The following PRRT1B variants were observed in gnomAD, a reference collection of about 807,000 sequenced individuals.
The protein encoded by PRRT1B is proline rich transmembrane protein 1B, also known as dispanin subfamily D member 2.
chr9:131,550,400 C>T (rs1951002738), intron 1 of PRRT1B, among the ~76,000 whole-genome samples: 1 of 152,192 alleles, frequency 6.6e-6, no homozygotes, highest in Non-Finnish European at 1.5e-5. Context: ...TGACACCCAT[C>T]AGGCTCAGCA....
In PRRT1B at chr9:131,545,855, G is replaced by A. The variant is rs1487924201; in HGVS notation, c.25+215G>A. 2.6e-5 allele frequency among the ~76,000 whole-genome samples: 4 copies of A among 152,162 alleles called. No individual in the cohort carries two copies. The East Asian group carries it at 7.7e-4, about 29-fold the overall frequency. ...GGTGCTGGTGGGGCGGGTGCTGGAG[G>A]GGGTTTAGCGGGTAGATAACTGCGG... On this transcript the variant is annotated intron_variant, in intron 1 of 3. Coordinates refer to ENST00000636672, the Ensembl canonical transcript of PRRT1B.
chr9:131,554,929 C>G (rs1241701235), exon 2 of PRRT1B: 1 of 387,840 alleles, frequency 2.6e-6, no homozygotes, highest in African/African-American at 2.1e-5. Context: ...CAGCCCGCGC[C>G]GTCTGCGCTC....
chr9:131,555,660 A>T (rs1243428744), intron 2 of PRRT1B, among the ~76,000 whole-genome samples: 1 of 152,130 alleles, frequency 6.6e-6, no homozygotes, highest in African/African-American at 2.4e-5. Flanking sequence ...TGAGTGATAG[A>T]GCAAGCCTCT....
At chr9:131,546,849 A>G (rs937239568) in intron 1 of PRRT1B, among the ~76,000 whole-genome samples, 1 of 152,094 alleles carries the variant, frequency 6.6e-6, no homozygotes. Flanking sequence ...GGCGGGATCC[A>G]GGGAAACTGC....
At chr9:131,550,755 C>T (rs1041359097) in intron 1 of PRRT1B, among the ~76,000 whole-genome samples, 16 of 152,054 alleles carry the variant, frequency 1.1e-4, no homozygotes, top group African/African-American at 3.9e-4. Context: ...TTTAGAGGCC[C>T]TCAGAATAAC....
intron 1 of PRRT1B, among the ~76,000 whole-genome samples, chr9:131,546,291 G>C (rs1055290503): frequency 6.6e-6 from 1 of 152,180 alleles, no homozygotes; most frequent in Non-Finnish European, 1.5e-5. Flanking sequence ...GCTGGAGACA[G>C]GGACCGAGAG....
At chr9:131,554,669 G>C (rs1364422732) in exon 2 of PRRT1B, 3 of 385,956 alleles carry the variant, frequency 7.8e-6, no homozygotes, top group Non-Finnish European at 1.4e-5. Flanking sequence ...CGCTCCCGCA[G>C]CTCCCGCGCC....
intron 3 of PRRT1B, 71 bp from the exon 4 acceptor site, chr9:131,557,982 C>T: frequency 2.5e-6 from 1 of 398,392 alleles, no homozygotes; most frequent in Non-Finnish European, 4.4e-6. Flanking sequence ...GCCTAGCCCT[C>T]AATCGCACTG....
chr9:131,554,709 C>T (rs979870356), exon 2 of PRRT1B: 39 of 361,224 alleles, frequency 1.1e-4, no homozygotes, highest in African/African-American at 3.4e-4. Context: ...GGACGGGGCG[C>T]CCAGCGAGGA....
chr9:131,552,819 T>C (rs1211563975), intron 1 of PRRT1B, among the ~76,000 whole-genome samples: 2 of 151,750 alleles, frequency 1.3e-5, no homozygotes, highest in African/African-American at 4.8e-5. Flanking sequence ...ACTAGACACT[T>C]GTGCTGCCAC....
intron 1 of PRRT1B, among the ~76,000 whole-genome samples, chr9:131,554,315 G>A (rs542945738): frequency 1.1e-4 from 17 of 152,272 alleles, no homozygotes; most frequent in African/African-American, 3.6e-4. Context: ...GAAAGGGGGT[G>A]GGACAGTGCG....
rs56793067 is a variant in PRRT1B at position 131,551,383 on chromosome 9, T to C, written c.26-3174T>C. On this transcript the variant is annotated intron_variant, in intron 1 of 3. Transcript: ENST00000636672. This position sits in a 1 kb window ranked among gnomAD's most constrained non-coding sequence, Gnocchi z 4.4. ...TCAGCTTAATCTCTCCCACTCTAGG[T>C]TCCCACGCCGCCCCTAATCTCGCTT... is the stretch of plus-strand genomic sequence containing the variant. Among the ~76,000 whole-genome samples the C allele has an allele frequency of 0.1, 15,457 of 152,068 alleles. 1,097 individuals are homozygous for C. Among genetic ancestry groups the C allele is most frequent in the African/African-American group, 0.18 (7,395 of 41,430 alleles).
At chr9:131,554,793 T>C (rs1951036626) in exon 2 of PRRT1B, 1 of 341,920 alleles carries the variant, frequency 2.9e-6, no homozygotes, top group Non-Finnish European at 5.3e-6. Context: ...CGGGCCGGTT[T>C]CCAAGGCGGC....
In PRRT1B at chr9:131,545,645, C is replaced by CGGAGGGGCAGGTGCT. The variant is rs1564415215; in HGVS notation, c.25+8_25+22dup. The CGGAGGGGCAGGTGCT allele has an allele frequency of 1.3e-4, 51 of 391,528 alleles. No individual in the cohort carries two copies. The highest frequency in any genetic ancestry group is 4.5e-4 in the Admixed American group (10 of 22,218). 24.3% of individuals were successfully genotyped at this position (391,528 alleles called of 1,614,324 possible). A position where few individuals can be genotyped will look rare whatever the true frequency, so the allele number is the denominator to read the frequency against. ...AGGCAGGAGCTGGAGGGGCAGGTGC[C>CGGAGGGGCAGGTGCT]GGAGGGGCAGGTGCTGGTGGGACAG... On this transcript the variant is annotated splice_donor_region_variant and intron_variant, in intron 1 of 3. Transcript: ENST00000636672.
At chr9:131,552,654 T>TGG (rs147772510) in intron 1 of PRRT1B, among the ~76,000 whole-genome samples, 1 of 149,198 alleles carries the variant, frequency 6.7e-6, no homozygotes, top group African/African-American at 2.5e-5. Context: ...ACATGCAGTT[T>TGG]GGGGGGGAGC....
intron 1 of PRRT1B, among the ~76,000 whole-genome samples, chr9:131,547,881 C>T (rs1438553122): frequency 6.6e-6 from 1 of 152,182 alleles, no homozygotes; most frequent in Non-Finnish European, 1.5e-5. Context: ...AATTTCAGTT[C>T]CTTTCCTTTT....
intron 1 of PRRT1B, among the ~76,000 whole-genome samples, chr9:131,553,210 AG>A (rs34505930): frequency 0.11 from 17,057 of 152,260 alleles, 1,099 homozygotes; most frequent in Middle Eastern, 0.24. Context: ...ATTGTTGTGC[AG>A]GCATCACCAC....
At chr9:131,557,527 G>T (rs952693009) in intron 3 of PRRT1B, among the ~76,000 whole-genome samples, 1 of 152,168 alleles carries the variant, frequency 6.6e-6, no homozygotes, top group African/African-American at 2.4e-5. Context: ...GACGGAGCAA[G>T]ACTCTGTCTC....
At chr9:131,554,535 G>T (rs1306077556) in intron 1 of PRRT1B, 22 bp from the exon 2 acceptor site, 6 of 393,012 alleles carry the variant, frequency 1.5e-5, no homozygotes, top group South Asian at 1.3e-4. Context: ...TCTTGCTCAC[G>T]ACCGCTGCCA....
Sources: allele counts gnomAD v4.1 joint callset (sites outside exome capture counted in the v4.1 genomes callset), GRCh38; gene constraint gnomAD v4.1.1; non-coding constraint Gnocchi (gnomAD v3.1); transcripts MANE v1.5; gene names NCBI Gene and HGNC (gene_info 2026-07-23, HGNC 2026-07-21).